The following IL17REL variants were observed in gnomAD, a reference collection of about 807,000 sequenced individuals.
IL17REL encodes the protein interleukin-17 receptor E-like protein.
IL17REL carries 36 observed loss-of-function variants against 49.0 expected under a neutral mutation model. The observed-to-expected ratio is 0.73, with a 90% CI of 0.56 to 0.97. IL17REL has a LOEUF of 0.97. Ranked by LOEUF, IL17REL falls within the 50% of genes least tolerant of loss-of-function variation. The pLI is 0.00. For synonymous variants in IL17REL, 206 were observed against 192.4 expected (o/e 1.07, Z -0.58); for missense variants, 470 against 453.9 (o/e 1.04, Z -0.32).
At chr22:50,007,530 TCA>T (rs2061116420) in intron 1 of IL17REL, among the ~76,000 whole-genome samples, 1 of 138,850 alleles carries the variant, frequency 7.2e-6, no homozygotes, top group African/African-American at 2.8e-5. Flanking sequence ...GCCACCACAC[TCA>T]GTTAATTTTT....
Position 50,001,067 on chromosome 22 carries a change from G to A in IL17REL, c.109+15C>T, listed in dbSNP as rs112655769. 3,953 of 1,557,982 alleles carry A rather than the reference G, an allele frequency of 2.5e-3. 7 individuals carry two copies. Among genetic ancestry groups the A allele is most frequent in the Non-Finnish European group, 3.2e-3 (3,680 of 1,148,036 alleles). ...CCTGCGGGTGTTAACTCCCACCCTC[G>A]AGGCCACCTCTCACCATGCAGGGTG... On this transcript the variant is annotated intron_variant, in intron 2 of 12. Coordinates refer to ENST00000341280, the Ensembl canonical transcript of IL17REL.
downstream of IL17REL, among the ~76,000 whole-genome samples, chr22:49,993,959 A>G (rs533377502): frequency 6.6e-5 from 10 of 152,204 alleles, no homozygotes; most frequent in East Asian, 1.7e-3. This position sits in a 1 kb window ranked among gnomAD's most constrained non-coding sequence, Gnocchi z 6.0. Flanking sequence ...CAGAGGAGAC[A>G]TGGAGAGAGC....
chr22:50,006,053 G>A (rs1406164958), intron 1 of IL17REL, among the ~76,000 whole-genome samples: 1 of 152,046 alleles, frequency 6.6e-6, no homozygotes, highest in African/African-American at 2.4e-5. Context: ...TTACAGGGGT[G>A]GAGGATGGAG....
chr22:49,993,227 T>C (rs2061014960), downstream of IL17REL, among the ~76,000 whole-genome samples: 1 of 152,194 alleles, frequency 6.6e-6, no homozygotes, highest in Admixed American at 6.5e-5. This position sits in a 1 kb window ranked among gnomAD's most constrained non-coding sequence, Gnocchi z 6.0. Context: ...GCCCAAGGCC[T>C]GCTCAGCTGT....
At position 50,000,794 on chromosome 22, in the gene IL17REL, C is replaced by T. The variant is rs1224060534; in HGVS notation, c.179G>A (p.Trp60Ter). Residue 60 changes from tryptophan to a stop codon, truncating the protein, a stop_gained, in exon 3 of 13, where the codon TGG becomes TAG. Coordinates refer to ENST00000341280, the Ensembl canonical transcript of IL17REL. LOFTEE classifies it high-confidence loss of function. ...CTGCCGGTGGGAGGCCCTGGCCACC[C>T]ACACGCTCTGACACTGCGTCTCCTG... The T allele has an allele frequency of 1.2e-6, 2 of 1,602,216 alleles. No homozygotes were observed. Among genetic ancestry groups the T allele is most frequent in the African/African-American group, 2.7e-5 (2 of 74,778 alleles).
chr22:50,004,148 G>A (rs541689450), intron 1 of IL17REL, among the ~76,000 whole-genome samples: 10 of 152,010 alleles, frequency 6.6e-5, no homozygotes, highest in African/African-American at 2.4e-4. Context: ...GTGCGATCTC[G>A]GCTCACTGCA....
exon 6 of IL17REL, chr22:49,999,495 G>T (rs1166803144): frequency 6.2e-7 from 1 of 1,606,176 alleles, no homozygotes; most frequent in South Asian, 1.1e-5. Flanking sequence ...GACGCTGTTG[G>T]CGGTCACCTG....
chr22:50,009,656 T>C (rs1442127437), upstream of IL17REL, among the ~76,000 whole-genome samples: 1 of 29,944 alleles, frequency 3.3e-5, no homozygotes, highest in African/African-American at 1.3e-4. Context: ...GGGGTGGGGG[T>C]GGGGGGAGCT....
upstream of IL17REL, among the ~76,000 whole-genome samples, chr22:50,011,751 C>T (rs1156458115): frequency 1.3e-5 from 2 of 152,148 alleles, no homozygotes; most frequent in African/African-American, 4.8e-5. Context: ...GCACCCAGCA[C>T]TCCAGCCCTT....
chr22:49,993,600 G>C (rs1363735262), downstream of IL17REL, among the ~76,000 whole-genome samples: 1 of 152,202 alleles, frequency 6.6e-6, no homozygotes, highest in African/African-American at 2.4e-5. The surrounding 1 kb of genome is among the most constrained non-coding windows in gnomAD (Gnocchi z 6.0). Context: ...GTCTGGGAGG[G>C]ACAGTAGGAC....
chr22:49,993,979 G>C (rs1389597813), downstream of IL17REL, among the ~76,000 whole-genome samples: 2 of 152,092 alleles, frequency 1.3e-5, no homozygotes, highest in Non-Finnish European at 2.9e-5. The surrounding 1 kb of genome is among the most constrained non-coding windows in gnomAD (Gnocchi z 6.0). Flanking sequence ...CAGAGTGGCA[G>C]CTTGTGCTGT....
At chr22:50,000,799 G>A (rs1261431220) in exon 3 of IL17REL, 8 of 1,603,560 alleles carry the variant, frequency 5.0e-6, no homozygotes, top group East Asian at 2.2e-5. Flanking sequence ...CCACCCACAC[G>A]CTCTGACACT....
At chr22:50,003,774 G>A (rs553289650) in intron 1 of IL17REL, among the ~76,000 whole-genome samples, 3 of 152,144 alleles carry the variant, frequency 2.0e-5, no homozygotes, top group African/African-American at 7.2e-5. Context: ...ACATTTCTCA[G>A]TGAAATAATA....
chr22:50,006,568 G>T (rs2061111584), intron 1 of IL17REL, among the ~76,000 whole-genome samples: 1 of 152,100 alleles, frequency 6.6e-6, no homozygotes, highest in Non-Finnish European at 1.5e-5. Flanking sequence ...AGCAGGAAAG[G>T]CTGTGATGAG....
downstream of IL17REL, among the ~76,000 whole-genome samples, chr22:49,994,159 A>C (rs2061019822): frequency 6.6e-6 from 1 of 151,756 alleles, no homozygotes; most frequent in Non-Finnish European, 1.5e-5. Context: ...AGGGAGGGAC[A>C]CCCTGTCCAT....
intron 1 of IL17REL, among the ~76,000 whole-genome samples, chr22:50,005,294 T>C (rs2061103245): frequency 6.6e-6 from 1 of 152,138 alleles, no homozygotes; most frequent in Admixed American, 6.6e-5. Flanking sequence ...TGTTTTGCCT[T>C]ATTCAAAATA....
At chr22:49,997,860 T>C (rs2146740029) in intron 9 of IL17REL, 118 bp from the exon 12 acceptor site, 1 of 1,372,460 alleles carries the variant, frequency 7.3e-7, no homozygotes, top group East Asian at 2.3e-5. Flanking sequence ...CCAGTTCTCC[T>C]CCTTAGGCCC....
exon 2 of IL17REL, chr22:50,001,159 G>A (rs1392531984): frequency 3.7e-6 from 6 of 1,606,174 alleles, no homozygotes; most frequent in African/African-American, 1.3e-5. Context: ...GGCAGTGGAG[G>A]ACGTCAGGGC....
chr22:49,999,321 C>T, exon 7 of IL17REL: 1 of 1,613,012 alleles, frequency 6.2e-7, no homozygotes, highest in Non-Finnish European at 8.5e-7. Context: ...TGGATCCGCA[C>T]CGCGTCAGGG....
Sources: gnomAD v4.1 joint callset for allele counts (sites outside exome capture counted in the v4.1 genomes callset) on GRCh38, gnomAD v4.1.1 for gene constraint, Gnocchi (gnomAD v3.1) non-coding constraint, MANE v1.5 for transcripts, NCBI Gene and HGNC (gene_info 2026-07-23, HGNC 2026-07-21) for gene names.